The following WDR54 variants were observed in gnomAD, a reference collection of about 807,000 sequenced individuals.
WDR54 encodes WD repeat-containing protein 54.
Under a neutral mutation model 44.1 loss-of-function variants are expected in WDR54, and 44 were observed. The observed-to-expected ratio is 1.00, with a 90% CI of 0.78 to 1.28. The LOEUF (loss-of-function observed/expected upper bound fraction) is 1.28. Ranked by LOEUF, WDR54 falls within the 50% of genes most tolerant of loss-of-function variation. WDR54 has a pLI of 0.00. For synonymous variants in WDR54, 169 were observed against 169.8 expected (o/e 1.00, Z 0.04); for missense variants, 409 against 429.7 (o/e 0.95, Z 0.43).
rs1670190091 is a variant in WDR54, at chr2:74,422,999, T to C, written c.285+67T>C. ...CAGCTTCCCTGCCAGGCTTCCAGAC[T>C]TTCCCACTTGCCTCTAAACACTTCC... is the stretch of plus-strand genomic sequence containing the variant. On this transcript the variant is annotated intron_variant, in intron 3 of 9. Transcript: ENST00000348227. 5 of 1,538,490 alleles carry C rather than the reference T, an allele frequency of 3.2e-6. No homozygotes were observed. The African/African-American group carries it at 6.8e-5, about 21-fold the overall frequency.
In WDR54 at chr2:74,425,583, A is replaced by G; in HGVS notation, c.887A>G (p.His296Arg). The change falls in exon 10 of 10, where the codon CAT becomes CGT. Residue 296 changes from histidine to arginine, a missense_variant. By Grantham distance (29) the His-to-Arg change is conservative. Transcript: ENST00000348227. Reference sequence around the variant, plus strand: ...CTGCTCCCCCAGGTGGAACACTGTCATGGTGAGTGTGTCGCCGACACCCAG... The same window carrying G: ...CTGCTCCCCCAGGTGGAACACTGTCGTGGTGAGTGTGTCGCCGACACCCAG... Reference protein sequence around the residue: ...ESGYIEVEHCHGECVADTQLC... With the variant: ...ESGYIEVEHCRGECVADTQLC... 1 of 1,614,224 alleles carries G rather than the reference A, an allele frequency of 6.2e-7. No individual in the cohort carries two copies. Among genetic ancestry groups the G allele is most frequent in the Non-Finnish European group, 8.5e-7 (1 of 1,180,036 alleles).
rs1670303529 is a variant in WDR54, at chr2:74,424,984, G to A, written c.635+9G>A. 2 of 1,614,214 alleles carry A rather than the reference G, an allele frequency of 1.2e-6. No individual in the cohort carries two copies. The highest frequency in any genetic ancestry group is 8.5e-7 in the Non-Finnish European group (1 of 1,180,034). On this transcript the variant is annotated intron_variant, in intron 7 of 9. Coordinates refer to ENST00000348227, the MANE Select transcript of WDR54 (RefSeq NM_032118.4). The stretch of plus-strand genomic sequence containing the variant: ...CGCATTCCAGGATTTGGGTAGGTGA[G>A]GCAGAAAGGGTAGAGGGCTTCCTGA...
At chr2:74,425,330 C>G in intron 8 of WDR54, 87 bp from the exon 9 acceptor site, 1 of 1,585,438 alleles carries the variant, frequency 6.3e-7, no homozygotes, top group Non-Finnish European at 8.6e-7. Context: ...TCAGTGTAGC[C>G]CCCTCCCCTG....
intron 2 of WDR54, chr2:74,422,652 G>C (rs1329849990): frequency 6.1e-5 from 37 of 609,172 alleles, no homozygotes; most frequent in East Asian, 5.9e-4. Context: ...AATTAACCGG[G>C]TGTGGTGGCG....
In WDR54 at chr2:74,425,241, A is replaced by G. The variant is rs1156794630; in HGVS notation, c.798+4A>G. Reference sequence around the variant, plus strand: ...CCTGGCTTCTGAGGTGGGCAAGGTAAGTCTCCTCCTCTGTACCTACATACC... The same window carrying G: ...CCTGGCTTCTGAGGTGGGCAAGGTAGGTCTCCTCCTCTGTACCTACATACC... On this transcript the variant is annotated splice_donor_region_variant and intron_variant, in intron 8 of 9. Transcript: ENST00000348227. 11 of 1,530,734 alleles carry G rather than the reference A, an allele frequency of 7.2e-6. No individual in the cohort carries two copies. Among genetic ancestry groups the G allele is most frequent in the Non-Finnish European group, 7.9e-6 (9 of 1,138,716 alleles). 94.8% of individuals were successfully genotyped at this position (1,530,734 alleles called of 1,614,324 possible).
rs773385392 is a variant in WDR54 at position 74,421,745 on chromosome 2, G to A, written c.-73G>A. On this transcript the variant is annotated 5_prime_UTR_variant, in exon 1 of 10. Transcript: ENST00000348227. ...CCCAAGGGCCGTGCGTACGTGCGTC[G>A]TCTCTATGGTGGCGGCGGATTTGGA... The A allele has an allele frequency of 2.2e-5, 13 of 603,960 alleles. No homozygotes were observed. In the South Asian group the frequency reaches 2.6e-4, roughly 12 times the overall value. The allele number at this position is 603,960 out of a possible 1,614,324, so 37.4% of individuals were successfully genotyped here. A position where few individuals can be genotyped will look rare whatever the true frequency, so the allele number is the denominator to read the frequency against.
Position 74,422,181 on chromosome 2 carries a change from C to T in WDR54, c.28C>T (p.Leu10=), listed in dbSNP as rs575676389. 2 of 1,613,546 alleles carry T rather than the reference C, an allele frequency of 1.2e-6. No individual in the cohort carries two copies. Among genetic ancestry groups the T allele is most frequent in the African/African-American group, 1.3e-5 (1 of 75,058 alleles). MFRWERSIP[L]RGSAAALCNN... The stretch of plus-strand genomic sequence containing the variant: ...GTTCCGCTGGGAGCGCTCCATTCCC[C>T]TGCGAGGCTCGGCCGCCGCCCTGTG... Residue 10 remains leucine, a synonymous_variant, in exon 2 of 10, where the codon CTG becomes TTG. Transcript: ENST00000348227.
At position 74,422,938 on chromosome 2, in the gene WDR54, A is replaced by T; in HGVS notation, c.285+6A>T. The T allele has an allele frequency of 6.2e-7, 1 of 1,614,070 alleles. No individual in the cohort carries two copies. The highest frequency in any genetic ancestry group is 2.2e-5 in the East Asian group (1 of 44,886). On this transcript the variant is annotated splice_donor_region_variant and intron_variant, in intron 3 of 9. Coordinates refer to ENST00000348227, the MANE Select transcript of WDR54 (RefSeq NM_032118.4). ...CCTCACATCGAGGAATACAGGTAAG[A>T]AGAGGACTCTCCTGCTTGCCCCACC... is the stretch of plus-strand genomic sequence containing the variant.
rs1160885456 is a variant in WDR54, at chr2:74,422,347, C to T, written c.194C>T (p.Ala65Val). ...AQRQLHAKEG[A>V]GVSPPLITQV... The stretch of plus-strand genomic sequence containing the variant: ...CGCCAGCTCCACGCTAAGGAGGGTG[C>T]TGGAGTGAGTCCCCCACTTATCACT... The change falls in exon 2 of 10, where the codon GCT becomes GTT. Residue 65 changes from alanine (A) to valine (V), a missense_variant. Transcript: ENST00000348227. 1 of 1,613,948 alleles carries T rather than the reference C, an allele frequency of 6.2e-7. No homozygotes were observed. Among genetic ancestry groups the T allele is most frequent in the Non-Finnish European group, 8.5e-7 (1 of 1,179,890 alleles).
intron 2 of WDR54, 61 bp from the exon 3 acceptor site, chr2:74,422,809 A>C (rs1670180412): frequency 1.4e-6 from 2 of 1,476,522 alleles, no homozygotes; most frequent in Admixed American, 1.9e-5. Context: ...AAAAAAAAAA[A>C]ACAAACAAAC....
Position 74,425,517 on chromosome 2 carries a change from G to T in WDR54, c.873+26G>T, listed in dbSNP as rs200063277. Reference sequence around the variant, plus strand: ...GTATGTGTCATGGGGTGGGTGGAATGGGGGGGCCCAAGCATGGGGCAGCAG... The same window carrying T: ...GTATGTGTCATGGGGTGGGTGGAATTGGGGGGCCCAAGCATGGGGCAGCAG... On this transcript the variant is annotated intron_variant, in intron 9 of 9. Transcript: ENST00000348227. 4.3e-4 allele frequency: 696 copies of T among 1,614,074 alleles called. 10 individuals carry two copies. The South Asian group carries it at 5.7e-3, about 13-fold the overall frequency.
chr2:74,425,476 G>A lies in WDR54; in HGVS notation c.858G>A (p.Glu286=), dbSNP rs1670333102. Residue 286 remains glutamate, a synonymous_variant, in exon 9 of 10, where the codon GAG becomes GAA. Transcript: ENST00000348227. ...VHIWKLSRNP[E]SGYIEVEHCH... is the part of the protein sequence containing the mutation. Reference sequence around the variant, plus strand: ...TCTGGAAGCTGAGCAGAAACCCAGAGAGTGGCTACATTGAGGTATGTGTCA... The same window carrying A: ...TCTGGAAGCTGAGCAGAAACCCAGAAAGTGGCTACATTGAGGTATGTGTCA... The A allele has an allele frequency of 6.2e-7, 1 of 1,614,128 alleles. No individual in the cohort carries two copies. The highest frequency in any genetic ancestry group is 1.7e-5 in the Admixed American group (1 of 60,004).
In WDR54 at chr2:74,422,170, GC is replaced by G; in HGVS notation, c.18del (p.Ser7ProfsTer61). The stretch of plus-strand genomic sequence containing the variant: ...CCACACAGGATGTTCCGCTGGGAGC[GC>G]TCCATTCCCCTGCGAGGCTCGGCCG... MFRWE[R>X]SIPLRGSAAA... On this transcript the variant is annotated frameshift_variant, in exon 2 of 10. Transcript: ENST00000348227. LOFTEE classifies it high-confidence loss of function. 6.2e-7 allele frequency: 1 copy of G among 1,612,872 alleles called. No individual in the cohort carries two copies. The highest frequency in any genetic ancestry group is 8.5e-7 in the Non-Finnish European group (1 of 1,179,856).
chr2:74,422,381 G>T lies in WDR54; in HGVS notation c.222+6G>T, dbSNP rs1378373300. 1.2e-6 allele frequency: 2 copies of T among 1,609,488 alleles called. No homozygotes were observed. Among genetic ancestry groups the T allele is most frequent in the Admixed American group, 1.7e-5 (1 of 59,860 alleles). On this transcript the variant is annotated splice_donor_region_variant and intron_variant, in intron 2 of 9. Coordinates refer to ENST00000348227, the MANE Select transcript of WDR54 (RefSeq NM_032118.4). The stretch of plus-strand genomic sequence containing the variant: ...GTCCCCCACTTATCACTCAGGTGAG[G>T]CATGGAGCTGGGAGTGATGTTGCTG...
chr2:74,423,693 G>C (rs1414500456), intron 5 of WDR54, 162 bp downstream of exon 5: 3 of 1,422,024 alleles, frequency 2.1e-6, no homozygotes, highest in Non-Finnish European at 2.9e-6. Context: ...AGAGGGTCAG[G>C]GTGGGATAAG....
chr2:74,424,935 G>C lies in WDR54; in HGVS notation c.595G>C (p.Gly199Arg), dbSNP rs745893629. Reference protein sequence around the residue: ...DSGLLCVWRSGPEFTLLTRIP... With the variant: ...DSGLLCVWRSRPEFTLLTRIP... ...AGGCTTGCTGTGTGTCTGGCGGTCA[G>C]GGCCAGAATTCACATTATTGACCCG... The change falls in exon 7 of 10, where the codon GGG becomes CGG. Residue 199 changes from glycine (G) to arginine (R), a missense_variant. Transcript: ENST00000348227. The C allele has an allele frequency of 6.2e-7, 1 of 1,614,242 alleles. No individual in the cohort carries two copies. Among genetic ancestry groups the C allele is most frequent in the Admixed American group, 1.7e-5 (1 of 60,032 alleles).
At position 74,425,448 on chromosome 2, in the gene WDR54, A is replaced by G. The variant is rs1297197668; in HGVS notation, c.830A>G (p.His277Arg). 2.5e-6 allele frequency: 4 copies of G among 1,614,092 alleles called. No individual in the cohort carries two copies. The highest frequency in any genetic ancestry group is 2.2e-5 in the South Asian group (2 of 91,092). Reference sequence around the variant, plus strand: ...TCTGCAGGTGAGGACACCTTTGTGCATATCTGGAAGCTGAGCAGAAACCCA... The same window carrying G: ...TCTGCAGGTGAGGACACCTTTGTGCGTATCTGGAAGCTGAGCAGAAACCCA... ...LLSAGEDTFV[H>R]IWKLSRNPES... Residue 277 changes from histidine (H) to arginine (R), a missense_variant, in exon 9 of 10, where the codon CAT (histidine) becomes CGT (arginine). Coordinates refer to ENST00000348227, the MANE Select transcript of WDR54 (RefSeq NM_032118.4).
intron 6 of WDR54, 46 bp downstream of exon 6, chr2:74,424,028 G>T: frequency 6.2e-7 from 1 of 1,610,898 alleles, no homozygotes; most frequent in East Asian, 2.2e-5. Flanking sequence ...CCCACCCTGG[G>T]AGGCAGGGGA....
At position 74,424,976 on chromosome 2, in the gene WDR54, G is replaced by T; in HGVS notation, c.635+1G>T. The T allele has an allele frequency of 6.2e-7, 1 of 1,614,212 alleles. No individual in the cohort carries two copies. Among genetic ancestry groups the T allele is most frequent in the Non-Finnish European group, 8.5e-7 (1 of 1,180,022 alleles). ...TATTGACCCGCATTCCAGGATTTGG[G>T]TAGGTGAGGCAGAAAGGGTAGAGGG... On this transcript the variant is annotated splice_donor_variant, in intron 7 of 9. Coordinates refer to ENST00000348227, the MANE Select transcript of WDR54 (RefSeq NM_032118.4). LOFTEE classifies it high-confidence loss of function.
Sources: allele counts gnomAD v4.1 joint callset, GRCh38; gene constraint gnomAD v4.1.1; transcripts MANE v1.5; gene names NCBI Gene and HGNC (gene_info 2026-07-23, HGNC 2026-07-21).